IPPK: variants seen among roughly 807,000 people sequenced by gnomAD.
IPPK encodes IPK1 homolog.
IPPK carries 22 observed loss-of-function variants against 64.6 expected under a neutral mutation model. That is an observed-to-expected ratio of 0.34 (90% CI 0.24 to 0.49). IPPK has a LOEUF of 0.49. Ranked by LOEUF, IPPK falls within the 20% of genes least tolerant of loss-of-function variation. The pLI, the probability that IPPK is intolerant of heterozygous loss-of-function variation, is 0.99. For missense variants in IPPK, 532 were observed against 630.7 expected (o/e 0.84, Z 1.68); for synonymous variants, 262 against 247.2 (o/e 1.06, Z -0.56).
At chr9:92,649,687 G>A (rs918155864) in intron 4 of IPPK, 113 bp from the exon 5 acceptor site, 10 of 1,244,026 alleles carry the variant, frequency 8.0e-6, no homozygotes, top group Middle Eastern at 3.9e-4. Flanking sequence ...CTCTGTACCT[G>A]ATGAAAACCT....
chr9:92,665,560 T>C (rs1164139159), intron 1 of IPPK, among the ~76,000 whole-genome samples: 2 of 152,186 alleles, frequency 1.3e-5, no homozygotes, highest in Non-Finnish European at 2.9e-5. Flanking sequence ...TACATATCCA[T>C]TGTAGGAAAT....
intron 11 of IPPK, chr9:92,620,253 C>G (rs1010586984): frequency 6.5e-6 from 1 of 154,242 alleles, no homozygotes; most frequent in African/African-American, 2.4e-5. Context: ...AACACATGCT[C>G]CAAGCTATGT....
intron 6 of IPPK, among the ~76,000 whole-genome samples, chr9:92,645,371 G>A (rs1852131190): frequency 6.6e-6 from 1 of 151,988 alleles, no homozygotes; most frequent in Non-Finnish European, 1.5e-5. Flanking sequence ...CACTCTGGGT[G>A]ACAGAGCAAG....
Position 92,651,455 on chromosome 9 carries a change from G to A in IPPK, c.292+1118C>T, listed in dbSNP as rs116888951. ...GGGGATTGGGGAAGGACAACATGAG[G>A]ATGGGGAAGGTGATGCCACAGAAGG... On this transcript the variant is annotated intron_variant, in intron 4 of 12. Transcript: ENST00000287996. Among the ~76,000 whole-genome samples, 33 of 152,340 alleles carry A rather than the reference G, an allele frequency of 2.2e-4. No homozygotes were observed. The East Asian group carries it at 6.4e-3, about 29-fold the overall frequency.
intron 11 of IPPK, chr9:92,619,825 A>C: frequency 3.9e-6 from 2 of 509,536 alleles, no homozygotes; most frequent in East Asian, 3.2e-5. Context: ...TGGGACCCCG[A>C]CTCCAGACCC....
chr9:92,658,573 A>G, intron 2 of IPPK, 61 bp downstream of exon 2: 1 of 1,404,020 alleles, frequency 7.1e-7, no homozygotes, highest in Non-Finnish European at 1.0e-6. Flanking sequence ...ACATCGGAAA[A>G]AAAAATCAGA....
chr9:92,634,492 A>G lies in IPPK; in HGVS notation c.1068-4T>C. ...CCCATCTATTTGTAAGGTTTTTCTGAAGAAGAAAGCACAATAAAAACAGGA... is the reference window on the plus strand; with the variant it reads ...CCCATCTATTTGTAAGGTTTTTCTGGAGAAGAAAGCACAATAAAAACAGGA... On this transcript the variant is annotated splice_polypyrimidine_tract_variant and splice_region_variant and intron_variant, in intron 10 of 12. Transcript: ENST00000287996. 6.2e-7 allele frequency: 1 copy of G among 1,606,426 alleles called. No individual in the cohort carries two copies. Among genetic ancestry groups the G allele is most frequent in the South Asian group, 1.1e-5 (1 of 90,904 alleles).
At chr9:92,658,960 C>A (rs775251894) in intron 1 of IPPK, among the ~76,000 whole-genome samples, 1 of 152,282 alleles carries the variant, frequency 6.6e-6, no homozygotes, top group Middle Eastern at 3.4e-3. Context: ...AAATGCCCAA[C>A]AATAATGAGA....
chr9:92,637,516 C>A (rs759451058), intron 9 of IPPK, among the ~76,000 whole-genome samples: 16 of 152,162 alleles, frequency 1.1e-4, no homozygotes, highest in Non-Finnish European at 2.2e-4. Flanking sequence ...CTCCTGTCTG[C>A]AAGGAAGGCG....
chr9:92,633,494 G>A (rs1030649432), intron 11 of IPPK, among the ~76,000 whole-genome samples: 4 of 152,114 alleles, frequency 2.6e-5, no homozygotes, highest in African/African-American at 7.2e-5. Flanking sequence ...CCAAGTGGCT[G>A]GGACTCTAGG....
intron 1 of IPPK, among the ~76,000 whole-genome samples, chr9:92,666,674 C>A (rs1852604389): frequency 6.6e-6 from 1 of 152,214 alleles, no homozygotes; most frequent in African/African-American, 2.4e-5. Context: ...GCACAACCAT[C>A]CCAAACAGAG....
At chr9:92,633,197 G>A (rs1449307067) in intron 11 of IPPK, among the ~76,000 whole-genome samples, 1 of 151,822 alleles carries the variant, frequency 6.6e-6, no homozygotes, top group Non-Finnish European at 1.5e-5. Flanking sequence ...ATTTTCAGTA[G>A]AGGTGGGGTT....
At chr9:92,659,784 G>T (rs1043684371) in intron 1 of IPPK, among the ~76,000 whole-genome samples, 2 of 152,068 alleles carry the variant, frequency 1.3e-5, no homozygotes, top group Non-Finnish European at 2.9e-5. Flanking sequence ...CCCGCTCCCC[G>T]CAGCCCTACT....
intron 1 of IPPK, among the ~76,000 whole-genome samples, chr9:92,665,988 A>G (rs1274872458): frequency 6.6e-6 from 1 of 152,162 alleles, no homozygotes; most frequent in Non-Finnish European, 1.5e-5. Context: ...AGGCAACAAA[A>G]CAATTTGCAG....
intron 4 of IPPK, among the ~76,000 whole-genome samples, chr9:92,651,528 C>G (rs1852266718): frequency 6.6e-6 from 1 of 152,222 alleles, no homozygotes; most frequent in Non-Finnish European, 1.5e-5. Flanking sequence ...AGCCTAGACT[C>G]CGGTTGGGGA....
At chr9:92,669,150 C>T (rs776919126) in intron 1 of IPPK, among the ~76,000 whole-genome samples, 1 of 152,108 alleles carries the variant, frequency 6.6e-6, no homozygotes, top group Non-Finnish European at 1.5e-5. Context: ...CCCTACATGA[C>T]ACCTATCCTC....
chr9:92,639,081 C>T (rs565423094), intron 8 of IPPK, among the ~76,000 whole-genome samples: 1 of 152,328 alleles, frequency 6.6e-6, no homozygotes, highest in East Asian at 1.9e-4. Context: ...CAAGGTCTCA[C>T]CCTGTTGCCC....
chr9:92,616,142 A>C, intron 12 of IPPK, 85 bp from the exon 13 acceptor site: 6 of 897,286 alleles, frequency 6.7e-6, no homozygotes, highest in Non-Finnish European at 8.6e-6. Flanking sequence ...TCTTCTTTCA[A>C]CTAGTATGTT....
chr9:92,658,939 G>T (rs891637801), intron 1 of IPPK, among the ~76,000 whole-genome samples: 1 of 152,178 alleles, frequency 6.6e-6, no homozygotes, highest in Non-Finnish European at 1.5e-5. Context: ...GAAATAAAAT[G>T]GAAATAACCT....
Sources: allele counts gnomAD v4.1 joint callset (sites outside exome capture counted in the v4.1 genomes callset), GRCh38; gene constraint gnomAD v4.1.1; transcripts MANE v1.5; gene names NCBI Gene and HGNC (gene_info 2026-07-23, HGNC 2026-07-21).